CACNA1I: variants seen among roughly 807,000 people sequenced by gnomAD.
CACNA1I encodes voltage-dependent T-type calcium channel subunit alpha-1I.
Under a neutral mutation model 201.6 loss-of-function variants are expected in CACNA1I, and 74 were observed. The ratio of observed to expected loss-of-function variants is 0.37; its 90% CI spans 0.30 to 0.45. The LOEUF (loss-of-function observed/expected upper bound fraction) is 0.45. CACNA1I is among the 20% of genes least tolerant of loss of function. The pLI is 1.00. For synonymous variants in CACNA1I, 1,431 were observed against 1,345.2 expected, an observed-to-expected ratio of 1.06 and a Z score of -1.40; for missense variants, 2,346 against 3,138.1, an observed-to-expected ratio of 0.75 and a Z score of 6.03.
chr22:39,681,129 C>G, intron 34 of CACNA1I, 77 bp downstream of exon 34: 1 of 1,487,566 alleles, frequency 6.7e-7, no homozygotes, highest in Non-Finnish European at 9.0e-7. Flanking sequence ...GCAGGACCCC[C>G]CTGTCTTTCC....
In CACNA1I at chr22:39,662,827, T is replaced by C; in HGVS notation, c.3424T>C (p.Cys1142Arg). The C allele has an allele frequency of 6.2e-7, 1 of 1,602,444 alleles. No individual in the cohort carries two copies. The highest frequency in any genetic ancestry group is 2.2e-5 in the East Asian group (1 of 44,516). Residue 1142 changes from cysteine to arginine, a missense_variant, in exon 18 of 37, where the codon TGC becomes CGC. This residue lies in a region of CACNA1I where 158 missense variants were observed against 231.6 expected (regional missense o/e 0.68). Coordinates refer to ENST00000402142, the MANE Select transcript of CACNA1I (RefSeq NM_021096.4). ...KMIDVYKPDW[C>R]EVREDWSVYL... ...GATCGACGTCTATAAGCCCGACTGG[T>C]GCGAGGTCCGCGAAGACTGGTCTGT...
intron 1 of CACNA1I, chr22:39,587,633 C>A: frequency 2.6e-6 from 1 of 387,970 alleles, no homozygotes; most frequent in South Asian, 1.9e-5. Flanking sequence ...CTGGCTCTGT[C>A]CCTCACTGAC....
chr22:39,583,061 C>T (rs1047575680), intron 1 of CACNA1I, among the ~76,000 whole-genome samples: 1 of 149,766 alleles, frequency 6.7e-6, no homozygotes, highest in Non-Finnish European at 1.5e-5. Flanking sequence ...TCCATCCATC[C>T]ATCCATCCAT....
At chr22:39,636,029 C>T (rs1934209903) in intron 5 of CACNA1I, among the ~76,000 whole-genome samples, 1 of 152,254 alleles carries the variant, frequency 6.6e-6, no homozygotes, top group African/African-American at 2.4e-5. Context: ...GCACCTGGGG[C>T]TTAACTCCTC....
At chr22:39,571,068 C>A (rs773848147) in intron 1 of CACNA1I, 80 bp downstream of exon 1, 10 of 1,242,396 alleles carry the variant, frequency 8.0e-6, no homozygotes, top group Non-Finnish European at 1.2e-5. Context: ...GCTGCTCACA[C>A]CTTGCTCCGG....
chr22:39,682,575 C>T lies in CACNA1I; in HGVS notation c.5744C>T (p.Ser1915Leu), dbSNP rs374151542. 73 of 1,613,688 alleles carry T rather than the reference C, an allele frequency of 4.5e-5. No individual in the cohort carries two copies. The Middle Eastern group carries it at 4.9e-4, about 11-fold the overall frequency. Residue 1915 changes from serine to leucine, a missense_variant, in exon 35 of 37, where the codon TCG becomes TTG. Physicochemically the swap from Ser to Leu is moderately radical, Grantham distance 145. Transcript: ENST00000402142. ...CFFPLSSTAV[S>L]PDPENFLCEM... ...TTCCCCTTGTCCTCTACGGCCGTCT[C>T]GCCGGATCCAGAGAACTTCCTGTGT...
Position 39,662,231 on chromosome 22 carries a change from G to T in CACNA1I, c.3168G>T (p.Thr1056=), listed in dbSNP as rs1327078746. The change falls in exon 17 of 37, where the codon ACG becomes ACT. Residue 1056 remains threonine (T), a synonymous_variant. Transcript: ENST00000402142. ...ACCGCCACCGCCACCACCGCCGGAC[G>T]CTGTCCCTCGACAACAGGGACTCGG... ...LAHRHRHHRR[T]LSLDNRDSVD... is the part of the protein sequence containing the mutation. 1.3e-6 allele frequency: 2 copies of T among 1,528,548 alleles called. No individual in the cohort carries two copies. The highest frequency in any genetic ancestry group is 8.8e-7 in the Non-Finnish European group (1 of 1,142,012). 94.7% of individuals were successfully genotyped at this position (1,528,548 alleles called of 1,614,324 possible).
rs899546905 is a variant in CACNA1I at position 39,600,440 on chromosome 22, C to T, written c.349-80C>T. ...CCCTTGCATCCATGTGGTGTCCCCACCTCACACTGTGGCTGCAACCCCTGG... is the reference window on the plus strand; with the variant it reads ...CCCTTGCATCCATGTGGTGTCCCCATCTCACACTGTGGCTGCAACCCCTGG... On this transcript the variant is annotated intron_variant, in intron 2 of 36. Transcript: ENST00000402142. The T allele has an allele frequency of 1.3e-5, 16 of 1,238,456 alleles. No homozygotes were observed. The Middle Eastern group carries it at 8.4e-4, about 65-fold the overall frequency. The allele number at this position is 1,238,456 out of a possible 1,614,324, so 76.7% of individuals were successfully genotyped here.
intron 5 of CACNA1I, 104 bp downstream of exon 5, chr22:39,634,828 C>CA (rs1458305259): frequency 5.4e-6 from 6 of 1,119,820 alleles, no homozygotes; most frequent in Middle Eastern, 2.1e-4. Flanking sequence ...GTAGAAGCAG[C>CA]AAAAAAAGAG....
intron 32 of CACNA1I, 111 bp from the exon 33 acceptor site, chr22:39,679,611 G>T: frequency 8.6e-7 from 1 of 1,166,998 alleles, no homozygotes; most frequent in East Asian, 2.6e-5. Flanking sequence ...GTCGGTCCCA[G>T]GCCATGGGCG....
intron 4 of CACNA1I, among the ~76,000 whole-genome samples, chr22:39,625,609 T>G (rs136812): frequency 0.15 from 22,822 of 152,126 alleles, 2,046 homozygotes; most frequent in Admixed American, 0.27. Flanking sequence ...TCGTATAAAA[T>G]ACATGTCTCT....
At chr22:39,652,475 T>C (rs1267333831) in intron 10 of CACNA1I, among the ~76,000 whole-genome samples, 1 of 152,200 alleles carries the variant, frequency 6.6e-6, no homozygotes, top group Non-Finnish European at 1.5e-5. Context: ...GAGCACCTAC[T>C]GCAGGCCAGG....
Position 39,676,642 on chromosome 22 carries a change from G to T in CACNA1I, c.4855-699G>T, listed in dbSNP as rs1935521104. Among the ~76,000 whole-genome samples, 1 of 152,148 alleles carries T rather than the reference G, an allele frequency of 6.6e-6. No individual in the cohort carries two copies. The highest frequency in any genetic ancestry group is 1.5e-5 in the Non-Finnish European group (1 of 68,018). ...GGTGGCTGGGTTTGCAGAGGCTTCT[G>T]GGGCCCACGGGCCTGCGTGATTCCT... is the stretch of plus-strand genomic sequence containing the variant. On this transcript the variant is annotated intron_variant, in intron 29 of 36. Coordinates refer to ENST00000402142, the MANE Select transcript of CACNA1I (RefSeq NM_021096.4). This position sits in a 1 kb window ranked among gnomAD's most constrained non-coding sequence, Gnocchi z 4.8.
Position 39,640,916 on chromosome 22 carries a change from G to A in CACNA1I, c.790G>A (p.Glu264Lys). The A allele has an allele frequency of 2.5e-6, 4 of 1,613,944 alleles. No individual in the cohort carries two copies. The highest frequency in any genetic ancestry group is 3.4e-6 in the Non-Finnish European group (4 of 1,179,848). Reference protein sequence around the residue: ...PPYYQPEEDDEMPFICSLSGD... With the variant: ...PPYYQPEEDDKMPFICSLSGD... ...ATACTACCAGCCGGAGGAGGATGAT[G>A]AGATGCCCTTCATCTGCTCCCTGTC... Residue 264 changes from glutamate (E) to lysine (K), a missense_variant, in exon 6 of 37, where the codon GAG (glutamate) becomes AAG (lysine). Physicochemically the swap from Glu to Lys is moderately conservative, Grantham distance 56. Around this residue, in one of 13 missense-constraint regions of CACNA1I, gnomAD observed 227 missense variants for 412.5 expected, o/e 0.55. Coordinates refer to ENST00000402142, the MANE Select transcript of CACNA1I (RefSeq NM_021096.4).
intron 3 of CACNA1I, among the ~76,000 whole-genome samples, chr22:39,615,803 T>C (rs1933516625): frequency 6.6e-6 from 1 of 152,118 alleles, no homozygotes; most frequent in Non-Finnish European, 1.5e-5. Flanking sequence ...AAATGGTTCA[T>C]GAAGTGGAGA....
Position 39,670,796 on chromosome 22 carries a change from C to A in CACNA1I, c.4388-7C>A, listed in dbSNP as rs1188743583. On this transcript the variant is annotated splice_polypyrimidine_tract_variant and splice_region_variant and intron_variant, in intron 25 of 36. Transcript: ENST00000402142. Reference sequence around the variant, plus strand: ...GGTCTTTGCCACTCCCCCTGCACCACCTGCAGAGGCCCAGCGGCTGCCCTA... The same window carrying A: ...GGTCTTTGCCACTCCCCCTGCACCAACTGCAGAGGCCCAGCGGCTGCCCTA... 2 of 1,613,710 alleles carry A rather than the reference C, an allele frequency of 1.2e-6. No individual in the cohort carries two copies. The highest frequency in any genetic ancestry group is 1.7e-6 in the Non-Finnish European group (2 of 1,179,802).
rs1935981117 is a variant in CACNA1I at position 39,689,666 on chromosome 22, G to T, written c.*3261G>T. ...TGGTACCTGCTGGCCCATGGCCCGG[G>T]TGTAGAGAAACCAAGCGGCAGCCAC... On this transcript the variant is annotated 3_prime_UTR_variant, in exon 37 of 37. Coordinates refer to ENST00000402142, the MANE Select transcript of CACNA1I (RefSeq NM_021096.4). The T allele has an allele frequency of 6.5e-6, 1 of 152,740 alleles. No individual in the cohort carries two copies. Among genetic ancestry groups the T allele is most frequent in the Non-Finnish European group, 1.5e-5 (1 of 68,070 alleles). The allele number at this position is 152,740 out of a possible 1,614,324, so 9.5% of individuals were successfully genotyped here.
At chr22:39,588,385 C>CTTTTT (rs3044379) in intron 1 of CACNA1I, among the ~76,000 whole-genome samples, 36 of 80,708 alleles carry the variant, frequency 4.5e-4, no homozygotes, top group African/African-American at 1.2e-3. Flanking sequence ...TTCTTTCTTT[C>CTTTTT]TTTTTTTTTT....
At chr22:39,573,145 C>T (rs547716972) in intron 1 of CACNA1I, among the ~76,000 whole-genome samples, 7 of 152,132 alleles carry the variant, frequency 4.6e-5, no homozygotes, top group East Asian at 1.9e-4. Context: ...AGGGGGCGGC[C>T]GCAGGAATTT....
Sources: gnomAD v4.1 joint callset for allele counts (sites outside exome capture counted in the v4.1 genomes callset) on GRCh38, gnomAD v4.1.1 for gene constraint, gnomAD v4.1.1 regional missense constraint, Gnocchi (gnomAD v3.1) non-coding constraint, MANE v1.5 for transcripts, NCBI Gene and HGNC (gene_info 2026-07-23, HGNC 2026-07-21) for gene names.